PSEN2: variants seen among roughly 807,000 people sequenced by gnomAD.
PSEN2 encodes the protein presenilin-2.
Under a neutral mutation model 49.1 loss-of-function variants are expected in PSEN2, and 32 were observed. The ratio of observed to expected loss-of-function variants is 0.65; its 90% CI spans 0.49 to 0.88. The LOEUF (loss-of-function observed/expected upper bound fraction) is 0.88, where lower values mean the gene tolerates loss of function less well. PSEN2 is among the 40% of genes least tolerant of loss of function. The pLI is 0.00. For synonymous variants in PSEN2, 255 were observed against 244.0 expected, an observed-to-expected ratio of 1.05 and a Z score of -0.42; for missense variants, 522 against 586.9, an observed-to-expected ratio of 0.89 and a Z score of 1.14.
intron 4 of PSEN2, 23 bp downstream of exon 4, chr1:226,882,071 G>A: frequency 6.2e-7 from 1 of 1,613,352 alleles, no homozygotes. Flanking sequence ...AGCAGCTGGG[G>A]GCCTTCAAAC....
At chr1:226,873,309 G>T (rs1413279703) in intron 2 of PSEN2, among the ~76,000 whole-genome samples, 1 of 152,164 alleles carries the variant, frequency 6.6e-6, no homozygotes, top group South Asian at 2.1e-4. Context: ...ATTCTAGAAC[G>T]GGAAGAACAA....
At chr1:226,877,911 G>A (rs146662886) in intron 3 of PSEN2, among the ~76,000 whole-genome samples, 1 of 152,276 alleles carries the variant, frequency 6.6e-6, no homozygotes, top group East Asian at 1.9e-4. Context: ...GGATGATGAC[G>A]ACAGTGGTCA....
At chr1:226,888,656 A>G (rs922560075) in intron 7 of PSEN2, among the ~76,000 whole-genome samples, 173 bp from the exon 8 acceptor site, 1 of 152,202 alleles carries the variant, frequency 6.6e-6, no homozygotes, top group Non-Finnish European at 1.5e-5. Context: ...GATCTGTTCC[A>G]AGCATCCCCA....
Position 226,891,835 on chromosome 1 carries a change from G to A in PSEN2, c.1063G>A (p.Glu355Lys). ...CTACCCAGGGGAGGAGCTGGAGGAAGAGGAGGAAAGTAAGGTGCCCATGTT... is the reference window on the plus strand; with the variant it reads ...CTACCCAGGGGAGGAGCTGGAGGAAAAGGAGGAAAGTAAGGTGCCCATGTT... The part of the protein sequence containing the change: ...TGYPGEELEE[E>K]EERGVKLGLG... Residue 355 changes from glutamate to lysine, a missense_variant, in exon 11 of 13, where the codon GAG becomes AAG. Physicochemically the swap from Glu to Lys is moderately conservative, Grantham distance 56 (BLOSUM62 1). Coordinates refer to ENST00000366783, the MANE Select transcript of PSEN2 (RefSeq NM_000447.3). 1 of 1,614,026 alleles carries A rather than the reference G, an allele frequency of 6.2e-7. No homozygotes were observed. The highest frequency in any genetic ancestry group is 8.5e-7 in the Non-Finnish European group (1 of 1,179,872).
chr1:226,901,119 C>T (rs1662301183), downstream of PSEN2, among the ~76,000 whole-genome samples: 1 of 152,114 alleles, frequency 6.6e-6, no homozygotes, highest in Non-Finnish European at 1.5e-5. Flanking sequence ...CATGGGCTGC[C>T]ATCTTCCTGT....
chr1:226,884,205 T>C (rs1234114150), intron 5 of PSEN2, among the ~76,000 whole-genome samples: 2 of 152,190 alleles, frequency 1.3e-5, no homozygotes, highest in East Asian at 3.9e-4. Context: ...GTGAAGGGCT[T>C]AGAAGAGTGT....
intron 3 of PSEN2, among the ~76,000 whole-genome samples, chr1:226,876,899 C>T (rs140239784): frequency 3.0e-3 from 450 of 152,288 alleles, no homozygotes; most frequent in Admixed American, 6.1e-3. Flanking sequence ...CACTCTCCTC[C>T]GCAGTGGGCA....
intron 7 of PSEN2, among the ~76,000 whole-genome samples, chr1:226,888,577 G>T (rs571004527): frequency 6.6e-6 from 1 of 152,362 alleles, no homozygotes; most frequent in African/African-American, 2.4e-5. Context: ...GAGGACAAGA[G>T]AAAACACTTT....
At chr1:226,889,316 G>C (rs1299174053) in intron 8 of PSEN2, among the ~76,000 whole-genome samples, 1 of 151,204 alleles carries the variant, frequency 6.6e-6, no homozygotes, top group Non-Finnish European at 1.5e-5. Context: ...TTGCTCTGTC[G>C]CCCAGGCTGG....
At chr1:226,896,882 C>T (rs1662168573), downstream of PSEN2, among the ~76,000 whole-genome samples, 1 of 152,030 alleles carries the variant, frequency 6.6e-6, no homozygotes, top group African/African-American at 2.4e-5. Context: ...AAACTGGTAC[C>T]CCTGTCTCCC....
chr1:226,878,053 A>C (rs1458756653), intron 3 of PSEN2, among the ~76,000 whole-genome samples: 1 of 152,056 alleles, frequency 6.6e-6, no homozygotes, highest in East Asian at 1.9e-4. Context: ...ACTGCTTTCC[A>C]GGGATTGTCT....
rs1358203358 is a variant in PSEN2, at chr1:226,890,111, A to G, written c.864A>G (p.Ile288Met). ...VETAQERNEP[I>M]FPALIYSSAM... ...CTGCCCAGGAGAGAAATGAGCCCAT[A>G]TTCCCTGCCCTGATATACTCATGTG... Residue 288 changes from isoleucine to methionine, a missense_variant, in exon 9 of 13, where the codon ATA (isoleucine) becomes ATG (methionine). Transcript: ENST00000366783. The G allele has an allele frequency of 4.3e-6, 7 of 1,613,680 alleles. No individual in the cohort carries two copies. Among genetic ancestry groups the G allele is most frequent in the Non-Finnish European group, 3.4e-6 (4 of 1,179,714 alleles).
At chr1:226,894,390 G>A (rs1661980221) in intron 12 of PSEN2, among the ~76,000 whole-genome samples, 1 of 152,232 alleles carries the variant, frequency 6.6e-6, no homozygotes, top group Non-Finnish European at 1.5e-5. Flanking sequence ...TGAGCACACA[G>A]CCTCCAGGCC....
At position 226,888,089 on chromosome 1, in the gene PSEN2, A is replaced by G; in HGVS notation, c.499-2A>G. The G allele has an allele frequency of 6.2e-7, 1 of 1,612,930 alleles. No individual in the cohort carries two copies. The highest frequency in any genetic ancestry group is 8.5e-7 in the Non-Finnish European group (1 of 1,178,918). On this transcript the variant is annotated splice_acceptor_variant, in intron 6 of 12. Transcript: ENST00000366783. LOFTEE classifies it high-confidence loss of function. ...TGTGATCGTGCAATTTCTGTTGTCT[A>G]GTTCATCCATGGCTGGTTGATCATG...
chr1:226,896,542 C>G (rs191081231), downstream of PSEN2, among the ~76,000 whole-genome samples: 41 of 152,250 alleles, frequency 2.7e-4, no homozygotes, highest in East Asian at 7.9e-3. Context: ...CTCTGTACAT[C>G]AATCATGGGT....
intron 6 of PSEN2, among the ~76,000 whole-genome samples, chr1:226,885,952 C>T (rs1284496192): frequency 8.6e-6 from 1 of 116,920 alleles, no homozygotes; most frequent in Non-Finnish European, 1.8e-5. Flanking sequence ...TCACTGCAGC[C>T]TCAACCTCCT....
intron 4 of PSEN2, 43 bp downstream of exon 4, chr1:226,882,091 C>T (rs200463582): frequency 6.5e-5 from 104 of 1,610,296 alleles, no homozygotes; most frequent in African/African-American, 1.5e-4. Context: ...CAGGTCCCTG[C>T]GGCTACTGTA....
intron 2 of PSEN2, among the ~76,000 whole-genome samples, chr1:226,874,718 A>G (rs1242986617): frequency 6.6e-6 from 1 of 152,154 alleles, no homozygotes; most frequent in Non-Finnish European, 1.5e-5. Flanking sequence ...GGTTATCTCT[A>G]GGTTTTACGA....
chr1:226,876,036 G>A (rs1016138797), intron 3 of PSEN2, among the ~76,000 whole-genome samples: 4 of 152,198 alleles, frequency 2.6e-5, no homozygotes, highest in Non-Finnish European at 4.4e-5. Context: ...TGCAGGGGGT[G>A]GGAGACGGGG....
Sources: allele counts gnomAD v4.1 joint callset (sites outside exome capture counted in the v4.1 genomes callset), GRCh38; gene constraint gnomAD v4.1.1; transcripts MANE v1.5; gene names NCBI Gene and HGNC (gene_info 2026-07-23, HGNC 2026-07-21).